The following TMTC2 variants were observed in gnomAD, a reference collection of about 807,000 sequenced individuals.
The protein encoded by TMTC2 is protein O-mannosyl-transferase TMTC2.
In TMTC2, 43 loss-of-function variants were observed where a neutral mutation model predicts 82.4. That is an observed-to-expected ratio of 0.52 (90% confidence interval 0.41 to 0.67). TMTC2 has a LOEUF of 0.67. Ranked by LOEUF, TMTC2 falls within the 30% of genes least tolerant of loss-of-function variation. The pLI, the probability that TMTC2 is intolerant of heterozygous loss-of-function variation, is 0.00. For synonymous variants in TMTC2, 408 were observed against 381.9 expected (o/e 1.07, Z -0.80); for missense variants, 919 against 1,012.4 (o/e 0.91, Z 1.25).
chr12:83,088,130 G>C (rs754588093), intron 11 of TMTC2, among the ~76,000 whole-genome samples: 2 of 152,182 alleles, frequency 1.3e-5, no homozygotes, highest in Non-Finnish European at 2.9e-5. Context: ...TTATATTATA[G>C]AGATGAACCT....
chr12:82,762,066 A>G (rs566257099), intron 1 of TMTC2, among the ~76,000 whole-genome samples: 1 of 147,814 alleles, frequency 6.8e-6, no homozygotes, highest in African/African-American at 2.5e-5. Flanking sequence ...TCCTGGGTTC[A>G]AGTGATTCTC....
intron 4 of TMTC2, among the ~76,000 whole-genome samples, chr12:82,934,938 T>C (rs147148612): frequency 5.9e-5 from 9 of 152,316 alleles, no homozygotes; most frequent in Non-Finnish European, 1.2e-4. Context: ...TGGTATCTCA[T>C]TGTGGTATTT....
intron 10 of TMTC2, 60 bp downstream of exon 10, chr12:83,051,078 G>T: frequency 1.6e-6 from 2 of 1,242,628 alleles, no homozygotes. Context: ...TTAATTATAC[G>T]AATTTTCCCA....
At chr12:82,872,853 AT>A (rs1213211490) in intron 2 of TMTC2, among the ~76,000 whole-genome samples, 2 of 152,128 alleles carry the variant, frequency 1.3e-5, no homozygotes, top group Non-Finnish European at 2.9e-5. Context: ...TATGATTTTG[AT>A]TTTTTTAAAA....
chr12:82,826,503 TA>T (rs529421980), intron 1 of TMTC2, among the ~76,000 whole-genome samples: 6 of 152,180 alleles, frequency 3.9e-5, no homozygotes, highest in South Asian at 2.1e-4. Context: ...ATGGTGTGCT[TA>T]AAAAAAAGAT....
intron 1 of TMTC2, among the ~76,000 whole-genome samples, chr12:82,739,751 A>G (rs12229521): frequency 0.075 from 11,182 of 149,168 alleles, 466 homozygotes; most frequent in South Asian, 0.13. Flanking sequence ...AATTAAGGCA[A>G]GCGTCCAAGT....
At chr12:82,702,349 A>G (rs1873126823) in intron 1 of TMTC2, among the ~76,000 whole-genome samples, 1 of 152,138 alleles carries the variant, frequency 6.6e-6, no homozygotes, top group African/African-American at 2.4e-5. Flanking sequence ...TAAAAAGAAC[A>G]CTTTTGGTTC....
At chr12:82,816,707 T>C (rs1454030385) in intron 1 of TMTC2, among the ~76,000 whole-genome samples, 1 of 152,040 alleles carries the variant, frequency 6.6e-6, no homozygotes, top group African/African-American at 2.4e-5. Context: ...TTTTGGCCTA[T>C]AGTGCTCTCT....
At chr12:82,697,373 G>A (rs1872863784) in intron 1 of TMTC2, among the ~76,000 whole-genome samples, 1 of 150,240 alleles carries the variant, frequency 6.7e-6, no homozygotes, top group African/African-American at 2.4e-5. Flanking sequence ...AAACAATGCA[G>A]GTTTTGCATT....
chr12:82,885,056 G>A (rs188056827), intron 2 of TMTC2, among the ~76,000 whole-genome samples: 1 of 149,250 alleles, frequency 6.7e-6, no homozygotes, highest in African/African-American at 2.5e-5. Flanking sequence ...ACCACACCTG[G>A]CTGATTTTTG....
intron 1 of TMTC2, among the ~76,000 whole-genome samples, chr12:82,842,066 A>G (rs947379259): frequency 2.0e-5 from 3 of 152,192 alleles, no homozygotes; most frequent in African/African-American, 7.2e-5. Flanking sequence ...CTGGAGATTT[A>G]TTGTACATGT....
chr12:82,766,656 C>T (rs1876978440), intron 1 of TMTC2, among the ~76,000 whole-genome samples: 1 of 152,154 alleles, frequency 6.6e-6, no homozygotes, highest in South Asian at 2.1e-4. Context: ...GCAGAGATTC[C>T]AAATATTCAG....
intron 4 of TMTC2, among the ~76,000 whole-genome samples, chr12:82,949,447 G>A (rs1208220011): frequency 1.3e-5 from 2 of 152,288 alleles, no homozygotes; most frequent in Non-Finnish European, 2.9e-5. Context: ...TTCATGGGAA[G>A]GGTAATGGGG....
At position 82,763,783 on chromosome 12, in the gene TMTC2, A is replaced by G. The variant is rs191944077; in HGVS notation, c.83+76114A>G. 1.3e-3 allele frequency among the ~76,000 whole-genome samples: 198 copies of G among 152,326 alleles called. 2 individuals are homozygous for G. The highest frequency in any genetic ancestry group is 3.1e-3 in the Admixed American group (48 of 15,296). On this transcript the variant is annotated intron_variant, in intron 1 of 11. Transcript: ENST00000321196. ...AGTACCTTTTAAAGAGAACCAAGCT[A>G]ATATGGTTACATAGATAAATTCGCA...
At chr12:83,037,511 T>TA (rs1301452545) in intron 9 of TMTC2, among the ~76,000 whole-genome samples, 2 of 152,172 alleles carry the variant, frequency 1.3e-5, no homozygotes, top group Non-Finnish European at 2.9e-5. Flanking sequence ...CCATGTTTTT[T>TA]AAAAAAATCA....
At chr12:82,765,719 AAAAAC>A (rs1369935742) in intron 1 of TMTC2, among the ~76,000 whole-genome samples, 6 of 152,040 alleles carry the variant, frequency 3.9e-5, no homozygotes, top group African/African-American at 1.4e-4. Context: ...ACAAACAAAA[AAAAAC>A]AAAGAAAAAA....
In TMTC2 at chr12:83,122,784, T is replaced by G. The variant is rs1884994806; in HGVS notation, c.2332-9426T>G. 3.3e-5 allele frequency among the ~76,000 whole-genome samples: 5 copies of G among 152,076 alleles called. No individual in the cohort carries two copies. In the South Asian group the frequency reaches 1.0e-3, roughly 32 times the overall value. The stretch of plus-strand genomic sequence containing the variant: ...TTCTGGAGCAAAAATTCAGCATGGA[T>G]CCTCCACAGGCTGCTCTGTCTGTCC... On this transcript the variant is annotated intron_variant, in intron 11 of 11. Coordinates refer to ENST00000321196, the MANE Select transcript of TMTC2 (RefSeq NM_152588.3).
rs375816607 is a variant in TMTC2, at chr12:82,889,006, C to T, written c.655-6812C>T. ...GAAAAGTGTAGGAACTGGCCATGCA[C>T]GGTGGCTCACACGTGTAATCCCAGA... On this transcript the variant is annotated intron_variant, in intron 2 of 11. Coordinates refer to ENST00000321196, the MANE Select transcript of TMTC2 (RefSeq NM_152588.3). Among the ~76,000 whole-genome samples, 80 of 152,124 alleles carry T rather than the reference C, an allele frequency of 5.3e-4. 2 individuals are homozygous for T. The South Asian group carries it at 9.8e-3, about 19-fold the overall frequency.
intron 1 of TMTC2, among the ~76,000 whole-genome samples, chr12:82,695,725 C>T (rs2136889919): frequency 6.6e-6 from 1 of 152,272 alleles, no homozygotes; most frequent in Non-Finnish European, 1.5e-5. Flanking sequence ...ATTGTGTCCT[C>T]TGCGGGGGGT....
Sources: allele counts gnomAD v4.1 joint callset (sites outside exome capture counted in the v4.1 genomes callset), GRCh38; gene constraint gnomAD v4.1.1; transcripts MANE v1.5; gene names NCBI Gene and HGNC (gene_info 2026-07-23, HGNC 2026-07-21).